The following TANC1 variants were observed in gnomAD, a reference collection of about 807,000 sequenced individuals.
The protein encoded by TANC1 is protein TANC1.
A neutral mutation model predicts 149.7 loss-of-function variants in TANC1; 77 were observed. That is an observed-to-expected ratio of 0.51 (90% CI 0.43 to 0.62). The LOEUF is 0.62. Among genes scored for constraint, TANC1 ranks in the 20% least tolerant of loss-of-function variants. The probability of loss-of-function intolerance (pLI) is 0.00; values close to 1 mark genes in which losing one functional copy is unlikely to be tolerated. For missense variants in TANC1, 1,985 were observed against 2,321.8 expected (o/e 0.85, Z 2.98); for synonymous variants, 854 against 925.0 (o/e 0.92, Z 1.39).
intron 4 of TANC1, among the ~76,000 whole-genome samples, chr2:159,104,192 C>T (rs1239193586): frequency 2.1e-5 from 2 of 95,928 alleles, no homozygotes; most frequent in Non-Finnish European, 2.9e-5. Context: ...ACTGCGTGCC[C>T]AGCTGTGAAC....
chr2:159,054,593 TC>T (rs1300301791), intron 2 of TANC1, among the ~76,000 whole-genome samples: 3 of 152,208 alleles, frequency 2.0e-5, no homozygotes, highest in Admixed American at 2.0e-4. Context: ...TAGCTGCCTT[TC>T]ACAGGCATCT....
At chr2:159,132,489 GTT>G (rs1444090250) in intron 4 of TANC1, among the ~76,000 whole-genome samples, 1 of 151,386 alleles carries the variant, frequency 6.6e-6, no homozygotes, top group Non-Finnish European at 1.5e-5. Flanking sequence ...GTTTTGTTTT[GTT>G]TTTCTTTTGT....
chr2:159,088,186 G>T (rs2045148605), intron 3 of TANC1, among the ~76,000 whole-genome samples: 3 of 152,064 alleles, frequency 2.0e-5, no homozygotes, highest in Non-Finnish European at 4.4e-5. Flanking sequence ...TCTGAGTGCA[G>T]TCGGGCTCTG....
In TANC1 at chr2:159,170,724, A is replaced by G. The variant is rs201043889; in HGVS notation, c.1270A>G (p.Ile424Val). ...GNVGFGKTAI[I>V]SKLVALSCHG... ...TGTGGGATTTGGGAAGACGGCAATC[A>G]TTTCCAAGTTGGTGGCCCTGAGCTG... Residue 424 changes from isoleucine (I) to valine (V), a missense_variant, in exon 10 of 27, where the codon ATT (isoleucine) becomes GTT (valine). Ile to Val is a conservative substitution (Grantham distance 29). Coordinates refer to ENST00000263635, the MANE Select transcript of TANC1 (RefSeq NM_033394.3). 1,215 of 1,614,194 alleles carry G rather than the reference A, an allele frequency of 7.5e-4. No individual in the cohort carries two copies. Among genetic ancestry groups the G allele is most frequent in the Non-Finnish European group, 9.5e-4 (1,120 of 1,180,038 alleles).
intron 2 of TANC1, among the ~76,000 whole-genome samples, chr2:159,012,459 T>C (rs967043891): frequency 6.7e-6 from 1 of 150,214 alleles, no homozygotes. Flanking sequence ...TTTGAGATGG[T>C]GGATAGATGG....
At chr2:158,983,019 T>TA (rs1180631155) in intron 1 of TANC1, among the ~76,000 whole-genome samples, 2 of 152,242 alleles carry the variant, frequency 1.3e-5, no homozygotes, top group African/African-American at 4.8e-5. Context: ...AGGTACTTGT[T>TA]ACAGAAGTCG....
intron 16 of TANC1, among the ~76,000 whole-genome samples, chr2:159,191,118 C>T (rs1307667413): frequency 6.6e-6 from 1 of 152,172 alleles, no homozygotes; most frequent in African/African-American, 2.4e-5. Flanking sequence ...TCTGGCTAGA[C>T]AGTGGTCTCT....
chr2:159,136,041 TGTGTGTGTGCGCGC>T (rs1203622594), intron 4 of TANC1, among the ~76,000 whole-genome samples, 139 bp from the exon 5 acceptor site: 323 of 48,832 alleles, frequency 6.6e-3, no homozygotes, highest in East Asian at 0.019. Context: ...TGTGTGTGTG[TGTGTGTGTGCGCGC>T]GCGCGCGTTT....
At chr2:158,993,165 G>A (rs766630167) in intron 1 of TANC1, among the ~76,000 whole-genome samples, 6 of 152,198 alleles carry the variant, frequency 3.9e-5, no homozygotes, top group African/African-American at 9.6e-5. Flanking sequence ...CAGATTAAAC[G>A]GTCACACAGC....
chr2:159,117,697 A>G (rs563161808), intron 4 of TANC1, among the ~76,000 whole-genome samples: 1,520 of 110,494 alleles, frequency 0.014, 42 homozygotes, highest in African/African-American at 0.051. Context: ...TGCCCGGCCT[A>G]TTCCTTTTTT....
At chr2:158,997,066 G>A (rs768919320) in intron 1 of TANC1, among the ~76,000 whole-genome samples, 1 of 152,058 alleles carries the variant, frequency 6.6e-6, no homozygotes, top group African/African-American at 2.4e-5. Flanking sequence ...GGTCACTTAA[G>A]AGAGTGGGGA....
chr2:159,064,552 T>G lies in TANC1; in HGVS notation c.-15-1344T>G, dbSNP rs545390550. On this transcript the variant is annotated intron_variant, in intron 2 of 26. Transcript: ENST00000263635. Reference sequence around the variant, plus strand: ...GTGGTCCTGCTGGGCTGCTGCAGATTTGGATTCTGGCCCTGCTGTTAATTA... The same window carrying G: ...GTGGTCCTGCTGGGCTGCTGCAGATGTGGATTCTGGCCCTGCTGTTAATTA... Among the ~76,000 whole-genome samples the G allele has an allele frequency of 1.3e-4, 20 of 152,324 alleles. No individual in the cohort carries two copies. In the South Asian group the frequency reaches 2.9e-3, roughly 22 times the overall value.
chr2:159,038,262 A>G (rs1416685969), intron 2 of TANC1, among the ~76,000 whole-genome samples: 2 of 152,108 alleles, frequency 1.3e-5, no homozygotes, highest in African/African-American at 4.8e-5. Flanking sequence ...GGCTGAGACG[A>G]TGGGGTTTTC....
chr2:159,126,810 C>T (rs1356046093), intron 4 of TANC1, among the ~76,000 whole-genome samples: 8 of 152,180 alleles, frequency 5.3e-5, no homozygotes, highest in East Asian at 3.8e-4. Flanking sequence ...CCATCTTAAC[C>T]GAGAGCATCG....
intron 3 of TANC1, among the ~76,000 whole-genome samples, chr2:159,077,811 A>G (rs1391736650): frequency 2.0e-5 from 3 of 152,216 alleles, no homozygotes; most frequent in Non-Finnish European, 4.4e-5. Context: ...CTTTCATAAG[A>G]ATAGTTGTAA....
intron 18 of TANC1, 54 bp from the exon 19 acceptor site, chr2:159,198,921 A>T: frequency 7.7e-7 from 1 of 1,301,030 alleles, no homozygotes; most frequent in Non-Finnish European, 1.1e-6. Flanking sequence ...CATGGGCTAT[A>T]ATAAGCACCT....
Position 159,174,934 on chromosome 2 carries a change from C to A in TANC1, c.1504-19C>A. On this transcript the variant is annotated intron_variant, in intron 11 of 26. Transcript: ENST00000263635. ...TGTGAAGAGGGTGAGGTGATGCTGA[C>A]GGTTCTGCTTCCCCCTAGGTGGTGG... 6.3e-7 allele frequency: 1 copy of A among 1,597,806 alleles called. No individual in the cohort carries two copies. Among genetic ancestry groups the A allele is most frequent in the Non-Finnish European group, 8.6e-7 (1 of 1,166,060 alleles).
rs550341158 is a variant in TANC1 at position 159,096,226 on chromosome 2, G to A, written c.62-1411G>A. ...ATCTTAGTACATACTAACGAGCGGG[G>A]AAGGTGATTGGTGGGAAGAAGCAGT... On this transcript the variant is annotated intron_variant, in intron 3 of 26. Transcript: ENST00000263635. Among the ~76,000 whole-genome samples, 7 of 151,330 alleles carry A rather than the reference G, an allele frequency of 4.6e-5. No individual in the cohort carries two copies. In the East Asian group the frequency reaches 1.4e-3, roughly 29 times the overall value.
chr2:159,013,404 A>C (rs1220976950), intron 2 of TANC1, among the ~76,000 whole-genome samples: 1 of 152,222 alleles, frequency 6.6e-6, no homozygotes, highest in Non-Finnish European at 1.5e-5. Flanking sequence ...CCTGGGAACG[A>C]GTCCTATCTT....
Sources: gnomAD v4.1 joint callset for allele counts (sites outside exome capture counted in the v4.1 genomes callset) on GRCh38, gnomAD v4.1.1 for gene constraint, MANE v1.5 for transcripts, NCBI Gene and HGNC (gene_info 2026-07-23, HGNC 2026-07-21) for gene names.